Variants in SLC24A4 observed in about 807,000 individuals in gnomAD.
The protein encoded by SLC24A4 is sodium/potassium/calcium exchanger 4.
In SLC24A4, 53 loss-of-function variants were observed where a neutral mutation model predicts 79.0. The observed-to-expected ratio is 0.67, with a 90% CI of 0.54 to 0.84. The LOEUF is 0.84. Ranked by LOEUF, SLC24A4 falls within the 40% of genes least tolerant of loss-of-function variation. The pLI, the probability that SLC24A4 is intolerant of heterozygous loss-of-function variation, is 0.00. For missense variants in SLC24A4, 731 were observed against 822.0 expected (o/e 0.89, Z 1.35); for synonymous variants, 323 against 323.8 (o/e 1.00, Z 0.03).
chr14:92,381,304 C>T (rs1187502856), intron 2 of SLC24A4, among the ~76,000 whole-genome samples: 1 of 152,022 alleles, frequency 6.6e-6, no homozygotes, highest in Admixed American at 6.6e-5. Flanking sequence ...AGCTGGAAGC[C>T]ATCATCCTCA....
intron 2 of SLC24A4, among the ~76,000 whole-genome samples, chr14:92,357,766 G>A (rs1172493495): frequency 2.6e-5 from 4 of 152,296 alleles, no homozygotes; most frequent in Non-Finnish European, 5.9e-5. Context: ...GCTGGACGGG[G>A]GTGATGGTTG....
intron 2 of SLC24A4, among the ~76,000 whole-genome samples, chr14:92,406,943 G>C (rs1442442200): frequency 6.6e-6 from 1 of 152,184 alleles, no homozygotes; most frequent in Non-Finnish European, 1.5e-5. Context: ...ACATGGTCAG[G>C]CTGCAAATTT....
chr14:92,468,164 C>T (rs186085385), intron 12 of SLC24A4, among the ~76,000 whole-genome samples: 47 of 152,044 alleles, frequency 3.1e-4, no homozygotes, highest in Non-Finnish European at 1.9e-4. Context: ...TTCCCATTTA[C>T]AATAGGATTT....
chr14:92,492,954 C>G (rs1230821184), intron 16 of SLC24A4: 1 of 407,308 alleles, frequency 2.5e-6, no homozygotes. Flanking sequence ...TAACCCTCTA[C>G]CCCAAACACA....
At chr14:92,402,356 G>A (rs1400375309) in intron 2 of SLC24A4, among the ~76,000 whole-genome samples, 4 of 152,002 alleles carry the variant, frequency 2.6e-5, no homozygotes, top group Non-Finnish European at 4.4e-5. Flanking sequence ...TCCTCTTCTC[G>A]GGTATATATT....
intron 2 of SLC24A4, among the ~76,000 whole-genome samples, chr14:92,417,675 T>C (rs1459957951): frequency 6.6e-6 from 1 of 152,250 alleles, no homozygotes; most frequent in Admixed American, 6.5e-5. Flanking sequence ...GTAAGTGCCC[T>C]AAACAAGTGT....
intron 2 of SLC24A4, among the ~76,000 whole-genome samples, chr14:92,406,203 A>G (rs1890364976): frequency 6.6e-6 from 1 of 152,266 alleles, no homozygotes. Flanking sequence ...CATCTAGGGC[A>G]TACTAATGCA....
At chr14:92,390,307 T>TC (rs1206512766) in intron 2 of SLC24A4, among the ~76,000 whole-genome samples, 4 of 151,806 alleles carry the variant, frequency 2.6e-5, no homozygotes, top group African/African-American at 9.7e-5. Context: ...CATCGAGCCT[T>TC]CCCCCAAGCA....
At chr14:92,482,966 C>A in intron 13 of SLC24A4, 120 bp downstream of exon 13, 1 of 942,444 alleles carries the variant, frequency 1.1e-6, no homozygotes, top group Non-Finnish European at 1.6e-6. Flanking sequence ...GCCTCACTGA[C>A]CACAGCGTAT....
chr14:92,416,713 A>T (rs546306050), intron 2 of SLC24A4, among the ~76,000 whole-genome samples: 1 of 152,324 alleles, frequency 6.6e-6, no homozygotes, highest in East Asian at 1.9e-4. Flanking sequence ...TTTTGTGGAA[A>T]CTAAGGAACG....
At chr14:92,362,356 T>C (rs1220914967) in intron 2 of SLC24A4, among the ~76,000 whole-genome samples, 3 of 152,176 alleles carry the variant, frequency 2.0e-5, no homozygotes, top group Non-Finnish European at 4.4e-5. Context: ...CTAACCTCTG[T>C]GCTGCTCCCT....
chr14:92,492,949 C>G, intron 16 of SLC24A4: 1 of 439,850 alleles, frequency 2.3e-6, no homozygotes, highest in Non-Finnish European at 4.5e-6. Context: ...TGCTTTAACC[C>G]TCTACCCCAA....
At chr14:92,413,275 C>T (rs556016057) in intron 2 of SLC24A4, among the ~76,000 whole-genome samples, 6 of 152,206 alleles carry the variant, frequency 3.9e-5, no homozygotes, top group African/African-American at 9.6e-5. Flanking sequence ...CTTCCCATTG[C>T]GGCCTTCCCA....
intron 14 of SLC24A4, among the ~76,000 whole-genome samples, chr14:92,491,358 C>A (rs1895661731): frequency 1.3e-5 from 2 of 152,108 alleles, no homozygotes; most frequent in South Asian, 4.1e-4. Context: ...TGGATTAAGA[C>A]CCTAACGACC....
intron 9 of SLC24A4, 109 bp downstream of exon 9, chr14:92,447,533 G>A: frequency 9.2e-7 from 1 of 1,088,582 alleles, no homozygotes; most frequent in Non-Finnish European, 1.4e-6. Flanking sequence ...TGTCCTTTTA[G>A]GCCAGCCCCA....
chr14:92,413,130 C>A (rs1334630310), intron 2 of SLC24A4, among the ~76,000 whole-genome samples: 1 of 152,182 alleles, frequency 6.6e-6, no homozygotes, highest in Non-Finnish European at 1.5e-5. Flanking sequence ...TCCAGGAAGA[C>A]GTTTGCCAAC....
At chr14:92,458,517 A>G (rs1299430546) in intron 12 of SLC24A4, among the ~76,000 whole-genome samples, 1 of 152,160 alleles carries the variant, frequency 6.6e-6, no homozygotes, top group Non-Finnish European at 1.5e-5. Context: ...TGTGTGTGGG[A>G]CATGAAGAGC....
intron 7 of SLC24A4, 60 bp from the exon 8 acceptor site, chr14:92,445,257 G>A: frequency 1.2e-6 from 2 of 1,603,648 alleles, no homozygotes; most frequent in Middle Eastern, 1.7e-4. Context: ...GTCCGTGCTT[G>A]TTCTTGTTTG....
chr14:92,463,731 G>T (rs1016413632), intron 12 of SLC24A4, among the ~76,000 whole-genome samples: 2 of 152,162 alleles, frequency 1.3e-5, no homozygotes, highest in Admixed American at 1.3e-4. Flanking sequence ...TCACAAAATT[G>T]TGGAATCGTC....
Sources: allele counts gnomAD v4.1 joint callset (sites outside exome capture counted in the v4.1 genomes callset), GRCh38; gene constraint gnomAD v4.1.1; transcripts MANE v1.5; gene names NCBI Gene and HGNC (gene_info 2026-07-23, HGNC 2026-07-21).